The following CDC42EP4 variants were observed in gnomAD, a reference collection of about 807,000 sequenced individuals.
CDC42EP4 encodes the protein CDC42 effector protein 4, also known as CDC42 effector protein (Rho GTPase binding) 4.
In CDC42EP4, 6 loss-of-function variants were observed where a neutral mutation model predicts 5.6. That is an observed-to-expected ratio of 1.07 (90% confidence interval 0.59 to 2.12). CDC42EP4 has a LOEUF of 2.12. Among genes scored for constraint, CDC42EP4 ranks in the 30% most tolerant of loss-of-function variants. The probability of loss-of-function intolerance (pLI) is 0.00; values close to 1 mark genes in which losing one functional copy is unlikely to be tolerated. For missense variants in CDC42EP4, 490 were observed against 508.6 expected, an observed-to-expected ratio of 0.96 and a Z score of 0.35; for synonymous variants, 230 against 224.2, an observed-to-expected ratio of 1.03 and a Z score of -0.23.
rs534817373 is a variant in CDC42EP4, at chr17:73,288,688, C to T, written c.-112-2076G>A. ...AAGTCCAGCACCTCCCTCCTCTCCT[C>T]CCCTTCTGCCCACAGCCTGGCTCCA... On this transcript the variant is annotated intron_variant, in intron 1 of 1. Coordinates refer to ENST00000335793, the MANE Select transcript of CDC42EP4 (RefSeq NM_012121.5). Among the ~76,000 whole-genome samples the T allele has an allele frequency of 2.6e-5, 4 of 152,274 alleles. No individual in the cohort carries two copies. The South Asian group carries it at 6.2e-4, about 24-fold the overall frequency.
chr17:73,300,970 C>T (rs1420111049), intron 1 of CDC42EP4, among the ~76,000 whole-genome samples: 1 of 151,404 alleles, frequency 6.6e-6, no homozygotes, highest in Admixed American at 6.6e-5. Flanking sequence ...TGCTTCAACC[C>T]GGGAGGCAGA....
chr17:73,296,972 C>A (rs1485855074), intron 1 of CDC42EP4, among the ~76,000 whole-genome samples: 1 of 29,574 alleles, frequency 3.4e-5, no homozygotes, highest in African/African-American at 1.0e-4. Context: ...AAGAGCAAGA[C>A]TCCGTCTCAA....
chr17:73,285,797 C>T lies in CDC42EP4; in HGVS notation c.704G>A (p.Gly235Glu), dbSNP rs769687285. The T allele has an allele frequency of 1.2e-6, 2 of 1,603,514 alleles. No homozygotes were observed. The highest frequency in any genetic ancestry group is 1.3e-5 in the African/African-American group (1 of 74,846). Residue 235 changes from glycine (G) to glutamate (E), a missense_variant, in exon 2 of 2, where the codon GGG becomes GAG. By Grantham distance (98) the Gly-to-Glu change is moderately conservative. Transcript: ENST00000335793. This position sits in a 1 kb window ranked among gnomAD's most constrained non-coding sequence, Gnocchi z 6.8. ...MDKEEWDPEE[G>E]EGGYHGDEGA... The stretch of plus-strand genomic sequence containing the variant: ...CTCATCGCCATGGTAACCACCCTCC[C>T]CCTCCTCGGGGTCCCACTCCTCCTT...
intron 1 of CDC42EP4, among the ~76,000 whole-genome samples, chr17:73,295,866 T>C (rs1372861585): frequency 1.3e-5 from 2 of 149,788 alleles, no homozygotes; most frequent in African/African-American, 5.0e-5. Flanking sequence ...GATCATGCCA[T>C]TGCACTCCAG....
chr17:73,293,957 T>C (rs1323250359), intron 1 of CDC42EP4, among the ~76,000 whole-genome samples: 10 of 152,238 alleles, frequency 6.6e-5, no homozygotes, highest in Non-Finnish European at 4.4e-5. Context: ...CTCCTTCATG[T>C]GCCCTGCTCA....
chr17:73,284,868 C>T lies in CDC42EP4; in HGVS notation c.*562G>A, dbSNP rs2062122010. The T allele has an allele frequency of 6.6e-6, 1 of 152,286 alleles. No homozygotes were observed. The highest frequency in any genetic ancestry group is 1.5e-5 in the Non-Finnish European group (1 of 68,094). 9.4% of individuals were successfully genotyped at this position (152,286 alleles called of 1,614,324 possible). On this transcript the variant is annotated 3_prime_UTR_variant, in exon 2 of 2. Transcript: ENST00000335793. ...AGTGCACATGCTCGCAGCTGGCCCC[C>T]CGTCCAGCTCAGCTCCAAGGGGCTC...
chr17:73,303,662 C>CAAAAGAA (rs58048954), intron 1 of CDC42EP4, among the ~76,000 whole-genome samples: 4 of 83,932 alleles, frequency 4.8e-5, no homozygotes, highest in African/African-American at 1.7e-4. Flanking sequence ...ACTCTGTCTC[C>CAAAAGAA]AAAAAAAAAA....
At chr17:73,301,468 A>C (rs115639861) in intron 1 of CDC42EP4, among the ~76,000 whole-genome samples, 2 of 152,228 alleles carry the variant, frequency 1.3e-5, no homozygotes, top group African/African-American at 4.8e-5. Flanking sequence ...TTTTACATCC[A>C]ATCAGGGATT....
At chr17:73,305,312 A>G (rs991715921) in intron 1 of CDC42EP4, among the ~76,000 whole-genome samples, 10 of 152,186 alleles carry the variant, frequency 6.6e-5, no homozygotes, top group Non-Finnish European at 2.9e-5. Flanking sequence ...GCCCCCATAC[A>G]GGCTGGGCCC....
intron 1 of CDC42EP4, among the ~76,000 whole-genome samples, chr17:73,293,446 G>C (rs2062170914): frequency 6.6e-6 from 1 of 151,064 alleles, no homozygotes; most frequent in African/African-American, 2.4e-5. Context: ...GAAAAGACAG[G>C]ATCAAATGGG....
intron 1 of CDC42EP4, chr17:73,309,791 T>G (rs1485393778): frequency 6.6e-6 from 1 of 152,174 alleles, no homozygotes; most frequent in Non-Finnish European, 1.5e-5. Flanking sequence ...AGCGGGCCCC[T>G]CCTAGTCCCT....
In CDC42EP4 at chr17:73,286,952, G is replaced by A. The variant is rs548124832; in HGVS notation, c.-112-340C>T. On this transcript the variant is annotated intron_variant, in intron 1 of 1. Transcript: ENST00000335793. This position sits in a 1 kb window ranked among gnomAD's most constrained non-coding sequence, Gnocchi z 7.7. Reference sequence around the variant, plus strand: ...TAAACATGACCACATTTAAGGACGCGAAGGTAAATCCAGCAATTCCAGGCA... The same window carrying A: ...TAAACATGACCACATTTAAGGACGCAAAGGTAAATCCAGCAATTCCAGGCA... 5 of 166,380 alleles carry A rather than the reference G, an allele frequency of 3.0e-5. No individual in the cohort carries two copies. The highest frequency in any genetic ancestry group is 9.5e-5 in the African/African-American group (4 of 41,896). 10.3% of individuals were successfully genotyped at this position (166,380 alleles called of 1,614,324 possible).
intron 1 of CDC42EP4, among the ~76,000 whole-genome samples, chr17:73,293,996 G>A (rs1465301724): frequency 4.6e-5 from 7 of 152,176 alleles, no homozygotes; most frequent in East Asian, 3.8e-4. Flanking sequence ...AGTGTGCTGC[G>A]TGCGCAAGGA....
intron 1 of CDC42EP4, among the ~76,000 whole-genome samples, chr17:73,295,487 C>G (rs1320715507): frequency 1.3e-5 from 2 of 152,182 alleles, no homozygotes; most frequent in Non-Finnish European, 2.9e-5. Flanking sequence ...TGCCACCAGG[C>G]AGGGGGAACA....
chr17:73,298,862 C>A (rs888180306), intron 1 of CDC42EP4, among the ~76,000 whole-genome samples: 4 of 152,170 alleles, frequency 2.6e-5, no homozygotes, highest in African/African-American at 9.7e-5. Flanking sequence ...AAACTCAAAG[C>A]AAACTCGCAA....
intron 1 of CDC42EP4, among the ~76,000 whole-genome samples, chr17:73,296,226 A>C (rs959186369): frequency 2.4e-5 from 1 of 41,342 alleles, no homozygotes; most frequent in Non-Finnish European, 5.7e-5. Context: ...TCTACTAAAA[A>C]TACAAAAAAA....
rs780367987 is a variant in CDC42EP4 at position 73,286,298 on chromosome 17, T to C, written c.203A>G (p.Gln68Arg). Residue 68 changes from glutamine to arginine, a missense_variant, in exon 2 of 2, where the codon CAG becomes CGG. By Grantham distance (43) the Gln-to-Arg change is conservative (BLOSUM62 1). Coordinates refer to ENST00000335793, the MANE Select transcript of CDC42EP4 (RefSeq NM_012121.5). The surrounding 1 kb of genome is among the most constrained non-coding windows in gnomAD (Gnocchi z 7.7). ...GEPDGESLDE[Q>R]PSSSSSKRSL... ...GCGTTTGGAAGATGAAGAAGAGGGC[T>C]GTTCGTCCAAGGACTCGCCGTCGGG... 1 of 1,614,218 alleles carries C rather than the reference T, an allele frequency of 6.2e-7. No homozygotes were observed. Among genetic ancestry groups the C allele is most frequent in the Admixed American group, 1.7e-5 (1 of 60,036 alleles).
chr17:73,304,053 G>C (rs1227765523), intron 1 of CDC42EP4, among the ~76,000 whole-genome samples: 1 of 152,154 alleles, frequency 6.6e-6, no homozygotes, highest in African/African-American at 2.4e-5. Flanking sequence ...GATCCCAACA[G>C]ATAGCAAGAC....
rs757964440 is a variant in CDC42EP4 at position 73,286,533 on chromosome 17, G to A, written c.-33C>T. On this transcript the variant is annotated 5_prime_UTR_variant, in exon 2 of 2. Coordinates refer to ENST00000335793, the MANE Select transcript of CDC42EP4 (RefSeq NM_012121.5). The surrounding 1 kb of genome is among the most constrained non-coding windows in gnomAD (Gnocchi z 7.7). Reference sequence around the variant, plus strand: ...GATGGGCGGGGAGGTGGGCCCTCCCGAGGTAGCCGGCAGGTCTGGGGTCAG... The same window carrying A: ...GATGGGCGGGGAGGTGGGCCCTCCCAAGGTAGCCGGCAGGTCTGGGGTCAG... 49 of 1,517,902 alleles carry A rather than the reference G, an allele frequency of 3.2e-5. No homozygotes were observed. Among genetic ancestry groups the A allele is most frequent in the Non-Finnish European group, 3.9e-5 (44 of 1,123,268 alleles). The allele number at this position is 1,517,902 out of a possible 1,614,324, so 94.0% of individuals were successfully genotyped here. A position where few individuals can be genotyped will look rare whatever the true frequency, so the allele number is the denominator to read the frequency against.
Sources: allele counts gnomAD v4.1 joint callset (sites outside exome capture counted in the v4.1 genomes callset), GRCh38; gene constraint gnomAD v4.1.1; non-coding constraint Gnocchi (gnomAD v3.1); transcripts MANE v1.5; gene names NCBI Gene and HGNC (gene_info 2026-07-23, HGNC 2026-07-21).